Variants in TMEM181 observed in about 807,000 individuals in gnomAD.
TMEM181 encodes the protein transmembrane protein 181.
Under a neutral mutation model 71.9 loss-of-function variants are expected in TMEM181, and 39 were observed. That is an observed-to-expected ratio of 0.54 (90% CI 0.42 to 0.71). TMEM181 has a LOEUF of 0.71. Among genes scored for constraint, TMEM181 ranks in the 30% least tolerant of loss-of-function variants. The pLI, the probability that TMEM181 is intolerant of heterozygous loss-of-function variation, is 0.00. For missense variants in TMEM181, 595 were observed against 583.0 expected (o/e 1.02, Z -0.21); for synonymous variants, 245 against 228.8 (o/e 1.07, Z -0.64).
chr6:158,563,435 C>T lies in TMEM181; in HGVS notation c.8+3203C>T, dbSNP rs141111064. On this transcript the variant is annotated intron_variant, in intron 1 of 16. Coordinates refer to ENST00000684151, the MANE Select transcript of TMEM181 (RefSeq NM_001376852.1). Reference sequence around the variant, plus strand: ...CTGGGACTATAGGTGTGAGCCACCACGCTTGGCCAGGAACTGGGGTTCTTG... The same window carrying T: ...CTGGGACTATAGGTGTGAGCCACCATGCTTGGCCAGGAACTGGGGTTCTTG... 1.3e-3 allele frequency among the ~76,000 whole-genome samples: 203 copies of T among 152,350 alleles called. 1 individual carries two copies. Among genetic ancestry groups the T allele is most frequent in the African/African-American group, 4.4e-3 (184 of 41,586 alleles).
intron 10 of TMEM181, among the ~76,000 whole-genome samples, chr6:158,617,987 G>C (rs1256041525): frequency 6.6e-6 from 1 of 152,182 alleles, no homozygotes; most frequent in African/African-American, 2.4e-5. Flanking sequence ...GTAGATGTCT[G>C]TTAGACCTGC....
intron 11 of TMEM181, among the ~76,000 whole-genome samples, chr6:158,624,464 C>A (rs1786154698): frequency 6.6e-6 from 1 of 152,214 alleles, no homozygotes; most frequent in Non-Finnish European, 1.5e-5. Flanking sequence ...CATCGAGGAG[C>A]GGGGACTGCG....
chr6:158,583,876 T>C, intron 3 of TMEM181, 78 bp from the exon 4 acceptor site: 1 of 1,040,024 alleles, frequency 9.6e-7, no homozygotes, highest in Non-Finnish European at 1.4e-6. Flanking sequence ...AAAAGTAAAC[T>C]TTGTGTGTTA....
rs193177676 is a variant in TMEM181, at chr6:158,572,181, G to A, written c.9-1239G>A. On this transcript the variant is annotated intron_variant, in intron 1 of 16. Coordinates refer to ENST00000684151, the MANE Select transcript of TMEM181 (RefSeq NM_001376852.1). ...CACGGCCTCACCCTGGCCCTGGGACGGGCCTGGCAGTGACTTCCTGCTCTG... is the reference window on the plus strand; with the variant it reads ...CACGGCCTCACCCTGGCCCTGGGACAGGCCTGGCAGTGACTTCCTGCTCTG... Among the ~76,000 whole-genome samples the A allele has an allele frequency of 1.2e-3, 186 of 152,348 alleles. 1 individual carries two copies. The South Asian group carries it at 0.021, about 17-fold the overall frequency.
At chr6:158,613,358 A>G (rs1785435036) in intron 10 of TMEM181, among the ~76,000 whole-genome samples, 1 of 152,222 alleles carries the variant, frequency 6.6e-6, no homozygotes, top group African/African-American at 2.4e-5. Context: ...CAGCAAGAGT[A>G]ATTATTTGCT....
exon 1 of TMEM181, chr6:158,536,679 C>G (rs767836946): frequency 1.8e-5 from 27 of 1,524,366 alleles, no homozygotes. Flanking sequence ...AGAGGGGGCG[C>G]AGGCGGCGAC....
At chr6:158,560,289 G>A (rs1782081559) in intron 1 of TMEM181, 57 bp downstream of exon 1, 3 of 985,286 alleles carry the variant, frequency 3.0e-6, no homozygotes, top group Non-Finnish European at 3.6e-6. Context: ...CCGGCCGAAA[G>A]TTGGGGATCC....
rs1279552897 is a variant in TMEM181 at position 158,620,164 on chromosome 6, G to A, written c.897-3386G>A. On this transcript the variant is annotated intron_variant, in intron 10 of 16. Transcript: ENST00000684151. The surrounding 1 kb of genome is among the most constrained non-coding windows in gnomAD (Gnocchi z 4.5). ...TGTGAAGGAGACAGCCCAGAGGGGA[G>A]GCGTGGGAATGTGGGATGGTTTGGC... 2.0e-5 allele frequency among the ~76,000 whole-genome samples: 3 copies of A among 152,206 alleles called. No individual in the cohort carries two copies. Among genetic ancestry groups the A allele is most frequent in the Non-Finnish European group, 4.4e-5 (3 of 68,036 alleles).
At chr6:158,552,832 G>GA (rs1781760172) in intron 1 of TMEM181, among the ~76,000 whole-genome samples, 1 of 92,194 alleles carries the variant, frequency 1.1e-5, no homozygotes, top group Non-Finnish European at 2.2e-5. Context: ...CATTCGGAAT[G>GA]AAAAAACATT....
chr6:158,588,280 G>A (rs1783897052), intron 5 of TMEM181, among the ~76,000 whole-genome samples: 1 of 152,222 alleles, frequency 6.6e-6, no homozygotes, highest in Non-Finnish European at 1.5e-5. Flanking sequence ...GGCTGCTAGT[G>A]GGCTGAAGTG....
intron 1 of TMEM181, among the ~76,000 whole-genome samples, chr6:158,538,388 C>T (rs1484525435): frequency 6.6e-6 from 1 of 151,704 alleles, no homozygotes; most frequent in African/African-American, 2.4e-5. Context: ...CTCCTGGGCT[C>T]AAGTGATGCT....
chr6:158,550,860 C>G (rs538612482), intron 1 of TMEM181, among the ~76,000 whole-genome samples: 1 of 145,292 alleles, frequency 6.9e-6, no homozygotes, highest in Non-Finnish European at 1.5e-5. Flanking sequence ...TTATAGCACT[C>G]CAGCCTGGGT....
intron 1 of TMEM181, among the ~76,000 whole-genome samples, chr6:158,546,518 G>A (rs1483186632): frequency 6.6e-6 from 1 of 152,216 alleles, no homozygotes; most frequent in African/African-American, 2.4e-5. Flanking sequence ...TGAACCCCAG[G>A]AAGGAGTTGG....
Position 158,629,830 on chromosome 6 carries a change from C to G in TMEM181, c.1282+11C>G, listed in dbSNP as rs1786561472. The G allele has an allele frequency of 6.2e-7, 1 of 1,610,054 alleles. No individual in the cohort carries two copies. Among genetic ancestry groups the G allele is most frequent in the Non-Finnish European group, 8.5e-7 (1 of 1,176,430 alleles). On this transcript the variant is annotated intron_variant, in intron 15 of 16. Coordinates refer to ENST00000684151, the MANE Select transcript of TMEM181 (RefSeq NM_001376852.1). ...AGAATGCCCTCTATGGTAAGCCACC[C>G]TGGGGTCTGGACTGCTGGCCAGTTA...
chr6:158,615,714 T>C (rs2128323040), intron 10 of TMEM181, among the ~76,000 whole-genome samples: 1 of 152,362 alleles, frequency 6.6e-6, no homozygotes, highest in East Asian at 1.9e-4. Context: ...GCTAGCCAGT[T>C]TTCCCAGCAC....
At chr6:158,561,848 C>T (rs1252231112) in intron 1 of TMEM181, among the ~76,000 whole-genome samples, 1 of 152,128 alleles carries the variant, frequency 6.6e-6, no homozygotes, top group Non-Finnish European at 1.5e-5. Context: ...CAGCCCACCA[C>T]CATCGGCCAG....
chr6:158,601,542 C>A (rs998890467), intron 6 of TMEM181, among the ~76,000 whole-genome samples: 7 of 152,036 alleles, frequency 4.6e-5, no homozygotes, highest in Non-Finnish European at 1.0e-4. Flanking sequence ...AGGTGGATCA[C>A]AAGGTCAGGA....
At chr6:158,567,904 C>T (rs1035655303) in intron 1 of TMEM181, among the ~76,000 whole-genome samples, 5 of 151,924 alleles carry the variant, frequency 3.3e-5, no homozygotes, top group South Asian at 2.1e-4. Flanking sequence ...GGAAGGATCT[C>T]GGGGACTTTG....
intron 11 of TMEM181, among the ~76,000 whole-genome samples, chr6:158,624,555 G>C (rs1408786841): frequency 6.6e-6 from 1 of 152,266 alleles, no homozygotes; most frequent in Non-Finnish European, 1.5e-5. Flanking sequence ...TCCATCTTCA[G>C]AAAAGGGCTT....
Sources: allele counts gnomAD v4.1 joint callset (sites outside exome capture counted in the v4.1 genomes callset), GRCh38; gene constraint gnomAD v4.1.1; non-coding constraint Gnocchi (gnomAD v3.1); transcripts MANE v1.5; gene names NCBI Gene and HGNC (gene_info 2026-07-23, HGNC 2026-07-21).